Variants in NEB observed in about 807,000 individuals in gnomAD.
NEB encodes nebulin.
NEB carries 512 observed loss-of-function variants against 952.2 expected under a neutral mutation model. The observed-to-expected ratio is 0.54, with a 90% CI of 0.50 to 0.58. NEB has a LOEUF of 0.58. Ranked by LOEUF, NEB falls within the 20% of genes least tolerant of loss-of-function variation. The pLI is 0.00. For missense variants in NEB, 8,428 were observed against 9,231.1 expected (o/e 0.91, Z 3.56); for synonymous variants, 2,900 against 3,149.8 (o/e 0.92, Z 2.66).
At chr2:151,717,850 T>C (rs4266011) in intron 9 of NEB, among the ~76,000 whole-genome samples, 123,380 of 145,638 alleles carry the variant, frequency 0.85, 53,275 homozygotes, top group Middle Eastern at 0.94. Flanking sequence ...TATACCTCCT[T>C]TGTTCTTTTT....
At chr2:151,655,728 G>A (rs1291637091) in intron 50 of NEB, 89 bp downstream of exon 50, 3 of 1,361,248 alleles carry the variant, frequency 2.2e-6, no homozygotes, top group East Asian at 2.3e-5. Context: ...AGGAATGATG[G>A]ACCTTAATTA....
intron 50 of NEB, 79 bp downstream of exon 50, chr2:151,655,738 A>C: frequency 2.1e-6 from 3 of 1,447,844 alleles, no homozygotes; most frequent in Non-Finnish European, 1.9e-6. Flanking sequence ...GACCTTAATT[A>C]GATTTCTCCA....
At chr2:151,612,097 T>C in intron 78 of NEB, 89 bp downstream of exon 78, 2 of 1,401,322 alleles carry the variant, frequency 1.4e-6, no homozygotes, top group Non-Finnish European at 2.0e-6. Context: ...ACACCTCCTT[T>C]CTCAGGGAAT....
intron 27 of NEB, among the ~76,000 whole-genome samples, chr2:151,685,483 A>C (rs2099488712): frequency 6.6e-6 from 1 of 152,186 alleles, no homozygotes; most frequent in Non-Finnish European, 1.5e-5. Context: ...TATTGACAGG[A>C]GATAACCCCA....
chr2:151,553,643 C>T lies in NEB; in HGVS notation c.19627-141G>A. 4.7e-6 allele frequency: 4 copies of T among 852,710 alleles called. No homozygotes were observed. Among genetic ancestry groups the T allele is most frequent in the Non-Finnish European group, 7.3e-6 (4 of 550,234 alleles). 52.8% of individuals were successfully genotyped at this position (852,710 alleles called of 1,614,324 possible). A position where few individuals can be genotyped will look rare whatever the true frequency, so the allele number is the denominator to read the frequency against. On this transcript the variant is annotated intron_variant, in intron 126 of 181. Coordinates refer to ENST00000397345, the MANE Select transcript of NEB (RefSeq NM_001164508.2). ...ATTATGCAAAGAGGCTCAGGGGAGCCACAGAAACATGTGTACACAGAGCCC... is the reference window on the plus strand; with the variant it reads ...ATTATGCAAAGAGGCTCAGGGGAGCTACAGAAACATGTGTACACAGAGCCC...
rs779713133 is a variant in NEB at position 151,610,873 on chromosome 2, G to T, written c.11806-7C>A. ...AAGCTTCTGTGTATAAATGCTACAG[G>T]GCAGGGCGGCATGGGGCATGGGGAG... On this transcript the variant is annotated splice_region_variant and splice_polypyrimidine_tract_variant and intron_variant, in intron 78 of 181. Transcript: ENST00000397345. 2.6e-5 allele frequency: 40 copies of T among 1,560,898 alleles called. No individual in the cohort carries two copies. Among genetic ancestry groups the T allele is most frequent in the Middle Eastern group, 1.7e-4 (1 of 5,938 alleles).
chr2:151,697,443 A>G lies in NEB; in HGVS notation c.1272T>C (p.Asp424=). Residue 424 remains aspartate, a synonymous_variant, in exon 15 of 182, where the codon GAT becomes GAC. Coordinates refer to ENST00000397345, the MANE Select transcript of NEB (RefSeq NM_001164508.2). ...GTCCCAAAATATCTTTTAAGTAGGA[A>G]TCTTTATATTTTTTCTGCAAGACAA... ...QNFSSDKKYK[D]SYLKDILGHY... 6.2e-7 allele frequency: 1 copy of G among 1,613,516 alleles called. No individual in the cohort carries two copies. The highest frequency in any genetic ancestry group is 8.5e-7 in the Non-Finnish European group (1 of 1,179,530).
At position 151,548,400 on chromosome 2, in the gene NEB, C is replaced by T; in HGVS notation, c.20065G>A (p.Ala6689Thr). 1 of 1,613,038 alleles carries T rather than the reference C, an allele frequency of 6.2e-7. No homozygotes were observed. Among genetic ancestry groups the T allele is most frequent in the Admixed American group, 1.7e-5 (1 of 60,008 alleles). Residue 6689 changes from alanine (A) to threonine (T), a missense_variant, in exon 131 of 182, where the codon GCC becomes ACC. Coordinates refer to ENST00000397345, the MANE Select transcript of NEB (RefSeq NM_001164508.2). ...YMSSYFKYKEAYEHTKAYGYT... is the reference protein window; with the variant it reads ...YMSSYFKYKETYEHTKAYGYT... ...CCATATGCCTTGGTGTGTTCATAGG[C>T]TTCTTTGTACTTGAACTGCAAAAGC...
chr2:151,497,546 G>T, intron 171 of NEB, 80 bp downstream of exon 171: 1 of 1,521,990 alleles, frequency 6.6e-7, no homozygotes, highest in South Asian at 1.3e-5. Context: ...TAAAAAGTAG[G>T]ATTAATACGT....
chr2:151,531,472 G>C (rs2090922228), intron 144 of NEB, among the ~76,000 whole-genome samples: 1 of 151,810 alleles, frequency 6.6e-6, no homozygotes, highest in African/African-American at 2.4e-5. Context: ...ATGCACCACT[G>C]CATCTGGCTA....
In NEB at chr2:151,666,320, G is replaced by A. The variant is rs746220411; in HGVS notation, c.4801C>T (p.His1601Tyr). The A allele has an allele frequency of 1.2e-6, 2 of 1,613,904 alleles. No individual in the cohort carries two copies. Among genetic ancestry groups the A allele is most frequent in the Non-Finnish European group, 1.7e-6 (2 of 1,179,864 alleles). ...TGGATTTTGGCCACATTCATGTAGTGAACCAGTTTAGGATCATCCTGAAGA... is the reference window on the plus strand; with the variant it reads ...TGGATTTTGGCCACATTCATGTAGTAAACCAGTTTAGGATCATCCTGAAGA... ...LSLQDDPKLV[H>Y]YMNVAKIQSD... is the part of the protein sequence containing the mutation. Residue 1601 changes from histidine (H) to tyrosine (Y), a missense_variant, in exon 41 of 182, where the codon CAC (histidine) becomes TAC (tyrosine). Physicochemically the swap from His to Tyr is moderately conservative, Grantham distance 83 (BLOSUM62 2). Around this residue, in one of 11 missense-constraint regions of NEB, gnomAD observed 2,851 missense variants for 2,791.5 expected, o/e 1.02. Transcript: ENST00000397345.
chr2:151,498,062 A>G, intron 170 of NEB, 198 bp downstream of exon 170: 2 of 1,455,732 alleles, frequency 1.4e-6, no homozygotes, highest in African/African-American at 1.4e-5. Context: ...TTTTTAAAAC[A>G]TGTTTGTTTG....
At chr2:151,679,262 A>G (rs1296294277) in intron 32 of NEB, among the ~76,000 whole-genome samples, 1 of 152,220 alleles carries the variant, frequency 6.6e-6, no homozygotes, top group Non-Finnish European at 1.5e-5. Context: ...TCTTAACTGT[A>G]ATAGAACCCA....
At position 151,553,393 on chromosome 2, in the gene NEB, C is replaced by T. The variant is rs2153657302; in HGVS notation, c.19731+5G>A. The T allele has an allele frequency of 6.2e-7, 1 of 1,603,714 alleles. No individual in the cohort carries two copies. The highest frequency in any genetic ancestry group is 8.5e-7 in the Non-Finnish European group (1 of 1,170,630). On this transcript the variant is annotated splice_donor_5th_base_variant and intron_variant, in intron 127 of 181. Transcript: ENST00000397345. ...ATACTAAAGAACAAAACAAGGCAAA[C>T]TCACATCATCACGTAGATCATAAGC...
In NEB at chr2:151,692,345, G is replaced by A. The variant is rs901423026; in HGVS notation, c.1914C>T (p.Asn638=). 5.0e-6 allele frequency: 8 copies of A among 1,608,334 alleles called. No individual in the cohort carries two copies. In the African/African-American group the frequency reaches 1.1e-4, roughly 22 times the overall value. Residue 638 remains asparagine, a synonymous_variant, in exon 21 of 182, where the codon AAC becomes AAT. Coordinates refer to ENST00000397345, the MANE Select transcript of NEB (RefSeq NM_001164508.2). ...KNQSDRLYKE[N]YEKTKAKSMN... ...TACTCTTTGCCTTTGTCTTCTCATA[G>A]TTTTCCTTGTATAATCTCTGTTAAA...
At position 151,672,638 on chromosome 2, in the gene NEB, C is replaced by T. The variant is rs746218685; in HGVS notation, c.4030G>A (p.Val1344Met). 3.7e-6 allele frequency: 6 copies of T among 1,613,956 alleles called. No individual in the cohort carries two copies. In the South Asian group the frequency reaches 4.4e-5, roughly 12 times the overall value. Residue 1344 changes from valine to methionine, a missense_variant, in exon 37 of 182, where the codon GTG becomes ATG. By Grantham distance (21) the Val-to-Met change is conservative. This residue lies in a region of NEB where 2,851 missense variants were observed against 2,791.5 expected (regional missense o/e 1.02). Transcript: ENST00000397345. ...TCATCCTGGAGGCTTCTGAAACCCA[C>T]ATGCTTTCCCTTTGACTTCTCATAA... ...EAYEKSKGKHVGFRSLQDDPK... is the reference protein window; with the variant it reads ...EAYEKSKGKHMGFRSLQDDPK...
rs980169089 is a variant in NEB, at chr2:151,614,520, T to C, written c.11357A>G (p.Asp3786Gly). Residue 3786 changes from aspartate (D) to glycine (G), a missense_variant, in exon 77 of 182, where the codon GAC becomes GGC. Asp to Gly is a moderately conservative substitution (Grantham distance 94). Around this residue, in one of 11 missense-constraint regions of NEB, gnomAD observed 1,772 missense variants for 1,960.3 expected, o/e 0.90. Coordinates refer to ENST00000397345, the MANE Select transcript of NEB (RefSeq NM_001164508.2). ...ATGGATGGACCACATCATCTTCGGGTCATCCTTAATGTTCCGGGCCCCAAT... is the reference window on the plus strand; with the variant it reads ...ATGGATGGACCACATCATCTTCGGGCCATCCTTAATGTTCCGGGCCCCAAT... The part of the protein sequence containing the change: ...HHIGARNIKD[D>G]PKMMWSIHVA... The C allele has an allele frequency of 1.2e-6, 2 of 1,613,794 alleles. No homozygotes were observed.
chr2:151,534,597 T>C (rs528089909), intron 142 of NEB, among the ~76,000 whole-genome samples: 1 of 152,200 alleles, frequency 6.6e-6, no homozygotes, highest in Non-Finnish European at 1.5e-5. Context: ...ATTAACAACA[T>C]TAGGTTTTAT....
intron 161 of NEB, 44 bp from the exon 162 acceptor site, chr2:151,508,153 G>T: frequency 2.2e-6 from 3 of 1,368,744 alleles, no homozygotes; most frequent in Non-Finnish European, 3.1e-6. Context: ...ACACCACAGG[G>T]ATATAGGCCA....
Sources: gnomAD v4.1 joint callset for allele counts (sites outside exome capture counted in the v4.1 genomes callset) on GRCh38, gnomAD v4.1.1 for gene constraint, gnomAD v4.1.1 regional missense constraint, MANE v1.5 for transcripts, NCBI Gene and HGNC (gene_info 2026-07-23, HGNC 2026-07-21) for gene names.